PHKG1: variants seen among roughly 807,000 people sequenced by gnomAD.
PHKG1 encodes the protein phosphorylase b kinase gamma catalytic chain, skeletal muscle/heart isoform.
In PHKG1, 48 loss-of-function variants were observed where a neutral mutation model predicts 50.5. The ratio of observed to expected loss-of-function variants is 0.95; its 90% CI spans 0.75 to 1.21. PHKG1 has a LOEUF of 1.21. PHKG1 is among the 50% of genes most tolerant of loss of function. The probability of loss-of-function intolerance (pLI) is 0.00; values close to 1 mark genes in which losing one functional copy is unlikely to be tolerated. For missense variants in PHKG1, 487 were observed against 519.5 expected (o/e 0.94, Z 0.61); for synonymous variants, 204 against 212.8 (o/e 0.96, Z 0.36).
intron 1 of PHKG1, among the ~76,000 whole-genome samples, chr7:56,091,275 G>A (rs917881933): frequency 6.6e-6 from 1 of 152,096 alleles, no homozygotes; most frequent in African/African-American, 2.4e-5. Context: ...CCAGCACTTT[G>A]GGAGGCCGAG....
Position 56,091,777 on chromosome 7 carries a change from T to TA in PHKG1, c.-35+1058dup, listed in dbSNP as rs536255205. On this transcript the variant is annotated intron_variant, in intron 1 of 9. Transcript: ENST00000297373. ...GTTCCAGGAATCCTGGTGGCCCCAC[T>TA]ACTGGGTGCCTGGTTACCAGAAGAA... Among the ~76,000 whole-genome samples the TA allele has an allele frequency of 1.1e-3, 166 of 152,320 alleles. 1 individual carries two copies. The highest frequency in any genetic ancestry group is 6.8e-3 in the Middle Eastern group (2 of 294).
At chr7:56,082,522 G>A (rs1260924536) in intron 6 of PHKG1, among the ~76,000 whole-genome samples, 1 of 152,110 alleles carries the variant, frequency 6.6e-6, no homozygotes, top group Non-Finnish European at 1.5e-5. Context: ...GAACCTGGGA[G>A]GTGGAGTTTG....
In PHKG1 at chr7:56,081,145, C is replaced by G. The variant is rs1185186306; in HGVS notation, c.1073G>C (p.Trp358Ser). The change falls in exon 10 of 10, where the codon TGG becomes TCG. Residue 358 changes from tryptophan (W) to serine (S), a missense_variant. By Grantham distance (177) the Trp-to-Ser change is radical (BLOSUM62 -3). Coordinates refer to ENST00000297373, the MANE Select transcript of PHKG1 (RefSeq NM_006213.5). The surrounding 1 kb of genome is among the most constrained non-coding windows in gnomAD (Gnocchi z 4.6). ...GTTCTGCTGCTGCCCCTTCTTCACC[C>G]AGTGGCCATAGATTCGGAAAGCGTA... Reference protein sequence around the residue: ...DAYAFRIYGHWVKKGQQQNRA... With the variant: ...DAYAFRIYGHSVKKGQQQNRA... 7.4e-6 allele frequency: 12 copies of G among 1,613,788 alleles called. No individual in the cohort carries two copies. The highest frequency in any genetic ancestry group is 8.5e-6 in the Non-Finnish European group (10 of 1,179,926).
rs752093852 is a variant in PHKG1 at position 56,081,204 on chromosome 7, A to G, written c.1014T>C (p.Tyr338=). The change falls in exon 10 of 10, where the codon TAT becomes TAC. Residue 338 remains tyrosine, a synonymous_variant. Coordinates refer to ENST00000297373, the MANE Select transcript of PHKG1 (RefSeq NM_006213.5). The surrounding 1 kb of genome is among the most constrained non-coding windows in gnomAD (Gnocchi z 4.6). ...TGAGCCGGCGCAGAGGCCGGAGGGC[A>G]TAGGGGTCTCGGATGACGATCTCCC... is the stretch of plus-strand genomic sequence containing the variant. ...VTREIVIRDP[Y]ALRPLRRLID... is the part of the protein sequence containing the mutation. The G allele has an allele frequency of 2.5e-6, 4 of 1,613,792 alleles. No individual in the cohort carries two copies. The highest frequency in any genetic ancestry group is 2.2e-5 in the East Asian group (1 of 44,878).
At chr7:56,090,068 CTCCA>C (rs1209302892) in intron 1 of PHKG1, among the ~76,000 whole-genome samples, 1 of 152,150 alleles carries the variant, frequency 6.6e-6, no homozygotes, top group Non-Finnish European at 1.5e-5. Context: ...GCTTCCTGCA[CTCCA>C]TCCCACTGCT....
chr7:56,091,530 C>A (rs1216963281), intron 1 of PHKG1, among the ~76,000 whole-genome samples: 2 of 147,428 alleles, frequency 1.4e-5, no homozygotes, highest in East Asian at 4.1e-4. Flanking sequence ...AAAAAAAAGA[C>A]AAAACAAAAC....
At chr7:56,088,586 G>A in intron 2 of PHKG1, 1 of 325,266 alleles carries the variant, frequency 3.1e-6, no homozygotes, top group South Asian at 6.3e-5. Context: ...TGAACTCTTG[G>A]CCTCAAGCAA....
chr7:56,084,564 G>A (rs939525694), intron 4 of PHKG1, among the ~76,000 whole-genome samples: 7 of 152,024 alleles, frequency 4.6e-5, no homozygotes, highest in African/African-American at 7.2e-5. Context: ...AGTAGAGACA[G>A]CGTTTCATCA....
At chr7:56,087,560 G>A in intron 3 of PHKG1, 38 bp downstream of exon 3, 20 of 1,592,252 alleles carry the variant, frequency 1.3e-5, no homozygotes, top group Non-Finnish European at 1.7e-5. Flanking sequence ...AGAATCACAG[G>A]GGGGCACCCT....
In PHKG1 at chr7:56,081,674, A is replaced by C. The variant is rs763763410; in HGVS notation, c.874T>G (p.Leu292Val). 2 of 1,613,762 alleles carry C rather than the reference A, an allele frequency of 1.2e-6. No individual in the cohort carries two copies. The highest frequency in any genetic ancestry group is 8.5e-7 in the Non-Finnish European group (1 of 1,179,842). Residue 292 changes from leucine to valine, a missense_variant, in exon 9 of 10, where the codon TTG becomes GTG. Leu to Val is a conservative substitution (Grantham distance 32). Coordinates refer to ENST00000297373, the MANE Select transcript of PHKG1 (RefSeq NM_006213.5). This position sits in a 1 kb window ranked among gnomAD's most constrained non-coding sequence, Gnocchi z 4.6. ...ALAHPFFQQY[L>V]VEEVRHFSPR... ...CTGAAGTGCCGCACTTCCTCCACCA[A>C]GTACTGCTGGAAGAAGGGGTGTGCC...
rs529818565 is a variant in PHKG1, at chr7:56,081,929, G to A, written c.756C>T (p.Pro252=). The change falls in exon 8 of 10, where the codon CCC becomes CCT. Residue 252 remains proline, a synonymous_variant. Coordinates refer to ENST00000297373, the MANE Select transcript of PHKG1 (RefSeq NM_006213.5). This position sits in a 1 kb window ranked among gnomAD's most constrained non-coding sequence, Gnocchi z 4.6. The stretch of plus-strand genomic sequence containing the variant: ...CGGTGTCCGAGTAATCATCCCACTC[G>A]GGCGAGCCAAACTGGTAGTTGCCGC... ...IMSGNYQFGS[P]EWDDYSDTVK... is the part of the protein sequence containing the mutation. The A allele has an allele frequency of 2.4e-5, 38 of 1,613,734 alleles. 1 individual carries two copies. The South Asian group carries it at 2.6e-4, about 11-fold the overall frequency.
chr7:56,083,023 T>C, intron 6 of PHKG1: 1 of 403,582 alleles, frequency 2.5e-6, no homozygotes, highest in South Asian at 3.0e-5. Context: ...GGAGAATCAC[T>C]TGAACTCGGG....
chr7:56,081,344 C>T lies in PHKG1; in HGVS notation c.919-45G>A, dbSNP rs781236236. 3.2e-6 allele frequency: 5 copies of T among 1,563,986 alleles called. No homozygotes were observed. The highest frequency in any genetic ancestry group is 3.4e-6 in the Non-Finnish European group (4 of 1,161,874). On this transcript the variant is annotated intron_variant, in intron 9 of 9. Transcript: ENST00000297373. This position sits in a 1 kb window ranked among gnomAD's most constrained non-coding sequence, Gnocchi z 4.6. ...AGCTGGGCTGCAGCCCCCGCCCTGC[C>T]AGGCCCTGCCCCTCCAGCACAGGGA...
intron 3 of PHKG1, 58 bp downstream of exon 3, chr7:56,087,540 C>A: frequency 6.5e-7 from 1 of 1,539,376 alleles, no homozygotes; most frequent in South Asian, 1.2e-5. Flanking sequence ...CTGGCTTGGG[C>A]TGTCAGGGCA....
At chr7:56,091,644 C>T (rs1265238717) in intron 1 of PHKG1, among the ~76,000 whole-genome samples, 1 of 152,236 alleles carries the variant, frequency 6.6e-6, no homozygotes, top group Non-Finnish European at 1.5e-5. Flanking sequence ...CTGCCTCCAA[C>T]CCCCTTTCCC....
At chr7:56,086,863 C>A (rs1796273165) in intron 4 of PHKG1, 107 bp downstream of exon 4, 3 of 861,878 alleles carry the variant, frequency 3.5e-6, no homozygotes, top group Non-Finnish European at 6.0e-6. Flanking sequence ...TATTTGGCAT[C>A]CTCAGCGCAG....
Position 56,083,430 on chromosome 7 carries a change from C to T in PHKG1, c.395G>A (p.Arg132Gln), listed in dbSNP as rs746327103. The change falls in exon 6 of 10, where the codon CGA (arginine) becomes CAA (glutamine). Residue 132 changes from arginine to glutamine, a missense_variant. Physicochemically the swap from Arg to Gln is conservative, Grantham distance 43 (BLOSUM62 1). Coordinates refer to ENST00000297373, the MANE Select transcript of PHKG1 (RefSeq NM_006213.5). Reference protein sequence around the residue: ...LSEKETRKIMRALLEVICTLH... With the variant: ...LSEKETRKIMQALLEVICTLH... ...GGTGCAGATCACCTCCAGCAGAGCT[C>T]GCATGATCTTTCTAGGGTGGGGCAC... 1.4e-5 allele frequency: 22 copies of T among 1,614,152 alleles called. No homozygotes were observed. Among genetic ancestry groups the T allele is most frequent in the African/African-American group, 9.3e-5 (7 of 75,066 alleles).
chr7:56,088,566 A>C, intron 2 of PHKG1: 1 of 267,760 alleles, frequency 3.7e-6, no homozygotes, highest in East Asian at 7.8e-5. Flanking sequence ...TATGTTGCCC[A>C]GGCTGATCTT....
At chr7:56,087,102 C>T in intron 3 of PHKG1, 78 bp from the exon 4 acceptor site, 1 of 1,076,828 alleles carries the variant, frequency 9.3e-7, no homozygotes, top group South Asian at 1.2e-5. Flanking sequence ...GGGTCAGGGA[C>T]CGAGGCTGCT....
Sources: allele counts gnomAD v4.1 joint callset (sites outside exome capture counted in the v4.1 genomes callset), GRCh38; gene constraint gnomAD v4.1.1; non-coding constraint Gnocchi (gnomAD v3.1); transcripts MANE v1.5; gene names NCBI Gene and HGNC (gene_info 2026-07-23, HGNC 2026-07-21).